Variants in LAMC2 observed in about 807,000 individuals in gnomAD.
The protein encoded by LAMC2 is laminin subunit gamma-2.
A neutral mutation model predicts 140.2 loss-of-function variants in LAMC2; 97 were observed. The ratio of observed to expected loss-of-function variants is 0.69; its 90% CI spans 0.59 to 0.82. The LOEUF (loss-of-function observed/expected upper bound fraction) is 0.82. Ranked by LOEUF, LAMC2 falls within the 40% of genes least tolerant of loss-of-function variation. The pLI, the probability that LAMC2 is intolerant of heterozygous loss-of-function variation, is 0.00. For synonymous variants in LAMC2, 513 were observed against 540.2 expected (o/e 0.95, Z 0.70); for missense variants, 1,402 against 1,476.1 (o/e 0.95, Z 0.82).
intron 4 of LAMC2, among the ~76,000 whole-genome samples, chr1:183,219,235 T>G (rs1659389440): frequency 6.6e-6 from 1 of 152,254 alleles, no homozygotes; most frequent in Non-Finnish European, 1.5e-5. Flanking sequence ...GCCAGTCACT[T>G]ATACCTGCAC....
intron 1 of LAMC2, among the ~76,000 whole-genome samples, chr1:183,192,713 C>T (rs2102166826): frequency 6.6e-6 from 1 of 152,028 alleles, no homozygotes; most frequent in South Asian, 2.1e-4. Flanking sequence ...TCTCATTTTT[C>T]TTTTTTTGAG....
chr1:183,235,540 G>C, intron 15 of LAMC2, 35 bp from the exon 16 acceptor site: 1 of 1,613,478 alleles, frequency 6.2e-7, no homozygotes, highest in Non-Finnish European at 8.5e-7. Flanking sequence ...CCCTTTGCGT[G>C]AAAACTCTTA....
chr1:183,226,896 G>A lies in LAMC2; in HGVS notation c.1265G>A (p.Gly422Glu). The change falls in exon 9 of 23, where the codon GGG becomes GAG. Residue 422 changes from glycine (G) to glutamate (E), a missense_variant. Gly to Glu is a moderately conservative substitution (Grantham distance 98). Coordinates refer to ENST00000264144, the MANE Select transcript of LAMC2 (RefSeq NM_005562.3). ...TCIPCNCQGG[G>E]ACDPDTGDCY... is the part of the protein sequence containing the mutation. Reference sequence around the variant, plus strand: ...ATTCCTTGTAACTGTCAAGGGGGAGGGGCCTGTGATCCAGACACAGGTGAG... The same window carrying A: ...ATTCCTTGTAACTGTCAAGGGGGAGAGGCCTGTGATCCAGACACAGGTGAG... 2 of 1,614,022 alleles carry A rather than the reference G, an allele frequency of 1.2e-6. No homozygotes were observed. The highest frequency in any genetic ancestry group is 1.7e-6 in the Non-Finnish European group (2 of 1,179,952).
chr1:183,223,330 A>G lies in LAMC2; in HGVS notation c.953+6A>G, dbSNP rs1219273566. The G allele has an allele frequency of 1.2e-6, 2 of 1,613,802 alleles. No homozygotes were observed. Among genetic ancestry groups the G allele is most frequent in the Admixed American group, 3.3e-5 (2 of 60,006 alleles). On this transcript the variant is annotated splice_donor_region_variant and intron_variant, in intron 7 of 22. Transcript: ENST00000264144. ...ACCAAGACTTACACATTCAGGTAAAAAGAGAGACCATAAGTAGGTCAATTA... is the reference window on the plus strand; with the variant it reads ...ACCAAGACTTACACATTCAGGTAAAGAGAGAGACCATAAGTAGGTCAATTA...
the LAMC2 span, among the ~76,000 whole-genome samples, chr1:183,253,900 C>T: frequency 7.0e-6 from 1 of 143,532 alleles, no homozygotes. Flanking sequence ...TAATGTTCCA[C>T]TTCCGTGTGT....
rs749422784 is a variant in LAMC2 at position 183,235,530 on chromosome 1, C to A, written c.2301-45C>A. On this transcript the variant is annotated intron_variant, in intron 15 of 22. Transcript: ENST00000264144. ...GTGTAACTGAACAACCTAAAGGAAG[C>A]CCTTTGCGTGAAAACTCTTATTCTT... 1.9e-6 allele frequency: 3 copies of A among 1,609,982 alleles called. No individual in the cohort carries two copies. The South Asian group carries it at 3.3e-5, about 18-fold the overall frequency.
rs897591377 is a variant in LAMC2 at position 183,225,457 on chromosome 1, G to C, written c.954-151G>C. ...TGGAGTGAGGAAGGTCCAAGTACAT[G>C]CCTATGAAAAGGTGGCTCTCAGTCC... On this transcript the variant is annotated intron_variant, in intron 7 of 22. Transcript: ENST00000264144. 9.1e-6 allele frequency: 6 copies of C among 659,452 alleles called. No individual in the cohort carries two copies. In the African/African-American group the frequency reaches 1.1e-4, roughly 12 times the overall value. 40.9% of individuals were successfully genotyped at this position (659,452 alleles called of 1,614,324 possible).
At chr1:183,200,138 C>G (rs912208758) in intron 1 of LAMC2, among the ~76,000 whole-genome samples, 3 of 152,162 alleles carry the variant, frequency 2.0e-5, no homozygotes, top group African/African-American at 7.2e-5. Context: ...GGCCTGTAAT[C>G]CCAGCACTTT....
rs1659610835 is a variant in LAMC2, at chr1:183,225,858, G to C, written c.1066+138G>C. The C allele has an allele frequency of 2.3e-5, 15 of 654,948 alleles. No homozygotes were observed. In the South Asian group the frequency reaches 2.3e-4, roughly 10 times the overall value. 40.6% of individuals were successfully genotyped at this position (654,948 alleles called of 1,614,324 possible). Reference sequence around the variant, plus strand: ...TGACTTAGAATCACTGATTCAATCTGAATTTTTATATTCTAGAAGCTTTTT... The same window carrying C: ...TGACTTAGAATCACTGATTCAATCTCAATTTTTATATTCTAGAAGCTTTTT... On this transcript the variant is annotated intron_variant, in intron 8 of 22. Transcript: ENST00000264144.
rs187150055 is a variant in LAMC2, at chr1:183,230,834, G to C, written c.1715-127G>C. Reference sequence around the variant, plus strand: ...GATTCCTAAGACCTATCTGTATTAAGAAGGTGCATGGAGGTATAAAAGGAT... The same window carrying C: ...GATTCCTAAGACCTATCTGTATTAACAAGGTGCATGGAGGTATAAAAGGAT... On this transcript the variant is annotated intron_variant, in intron 11 of 22. Transcript: ENST00000264144. 41 of 1,054,826 alleles carry C rather than the reference G, an allele frequency of 3.9e-5. No individual in the cohort carries two copies. In the East Asian group the frequency reaches 9.5e-4, roughly 24 times the overall value. 65.3% of individuals were successfully genotyped at this position (1,054,826 alleles called of 1,614,324 possible).
intron 6 of LAMC2, 89 bp downstream of exon 6, chr1:183,222,300 A>G: frequency 6.8e-6 from 10 of 1,462,706 alleles, no homozygotes; most frequent in Admixed American, 1.7e-5. Context: ...TGTGGAAACC[A>G]TATAACTTTG....
Position 183,227,508 on chromosome 1 carries a change from C to A in LAMC2, c.1286-7C>A. On this transcript the variant is annotated splice_polypyrimidine_tract_variant and splice_region_variant and intron_variant, in intron 9 of 22. Transcript: ENST00000264144. ...TCTCTGCCCCTCCACTCTTCTCCTA[C>A]CCCCAGGAGATTGTTATTCAGGGGA... 6.2e-7 allele frequency: 1 copy of A among 1,611,952 alleles called. No homozygotes were observed. The highest frequency in any genetic ancestry group is 1.3e-5 in the African/African-American group (1 of 74,996).
intron 1 of LAMC2, among the ~76,000 whole-genome samples, chr1:183,194,227 C>T (rs1004293102): frequency 6.8e-6 from 1 of 146,556 alleles, no homozygotes; most frequent in Non-Finnish European, 1.5e-5. Flanking sequence ...GCCAGCAATA[C>T]AGTTTTAATT....
intron 11 of LAMC2, among the ~76,000 whole-genome samples, chr1:183,229,267 C>T (rs1205487048): frequency 6.6e-6 from 1 of 152,172 alleles, no homozygotes; most frequent in Non-Finnish European, 1.5e-5. Flanking sequence ...GCCTGCCCCA[C>T]AGACTCACCC....
intron 2 of LAMC2, among the ~76,000 whole-genome samples, chr1:183,213,867 A>G (rs1187146412): frequency 1.3e-5 from 2 of 151,522 alleles, no homozygotes; most frequent in Admixed American, 1.3e-4. Context: ...GGAGTTCGAG[A>G]CCAGCCTGGC....
intron 1 of LAMC2, among the ~76,000 whole-genome samples, chr1:183,198,200 TTC>T (rs1241959609): frequency 6.6e-6 from 1 of 150,880 alleles, no homozygotes; most frequent in East Asian, 1.9e-4. Context: ...GGAGTGCAGT[TTC>T]GTGATCTCGG....
At chr1:183,239,947 C>A (rs1660079414) in intron 20 of LAMC2, 93 bp from the exon 21 acceptor site, 11 of 1,386,628 alleles carry the variant, frequency 7.9e-6, no homozygotes, top group Non-Finnish European at 1.1e-5. Flanking sequence ...CAGGGCCCGG[C>A]TGCCGCTGTA....
At chr1:183,217,482 C>T (rs982511499) in intron 3 of LAMC2, among the ~76,000 whole-genome samples, 1 of 152,210 alleles carries the variant, frequency 6.6e-6, no homozygotes, top group African/African-American at 2.4e-5. Flanking sequence ...TGTACACACA[C>T]ATTCACAGCA....
rs755192261 is a variant in LAMC2, at chr1:183,186,424, G to A, written c.72G>A (p.Arg24=). 2 of 1,604,012 alleles carry A rather than the reference G, an allele frequency of 1.2e-6. No homozygotes were observed. The highest frequency in any genetic ancestry group is 1.7e-6 in the Non-Finnish European group (2 of 1,179,728). ...LLLPAARATS[R]REVCDCNGKS... ...TGCCCGCAGCCCGGGCCACCTCCAG[G>A]AGGGAAGGTGAGTCGGCTTCCACAA... The change falls in exon 1 of 23, where the codon AGG becomes AGA. Residue 24 remains arginine (R), a synonymous_variant. Coordinates refer to ENST00000264144, the MANE Select transcript of LAMC2 (RefSeq NM_005562.3).
Sources: allele counts gnomAD v4.1 joint callset (sites outside exome capture counted in the v4.1 genomes callset), GRCh38; gene constraint gnomAD v4.1.1; transcripts MANE v1.5; gene names NCBI Gene and HGNC (gene_info 2026-07-23, HGNC 2026-07-21).